IFT43: variants seen among roughly 807,000 people sequenced by gnomAD.
The protein encoded by IFT43 is intraflagellar transport 43.
IFT43 carries 33 observed loss-of-function variants against 32.3 expected under a neutral mutation model. The observed-to-expected ratio is 1.02, with a 90% CI of 0.77 to 1.37. IFT43 has a LOEUF of 1.37. IFT43 is among the 40% of genes most tolerant of loss of function. The probability of loss-of-function intolerance (pLI) is 0.00; values close to 1 mark genes in which losing one functional copy is unlikely to be tolerated. For synonymous variants in IFT43, 93 were observed against 98.2 expected (o/e 0.95, Z 0.31); for missense variants, 274 against 265.9 (o/e 1.03, Z -0.21).
intron 2 of IFT43, among the ~76,000 whole-genome samples, chr14:75,994,071 C>T (rs568681402): frequency 5.0e-4 from 75 of 150,390 alleles, no homozygotes; most frequent in Non-Finnish European, 9.4e-4. Context: ...AATGACATGT[C>T]AATTTAAAAC....
intron 2 of IFT43, among the ~76,000 whole-genome samples, chr14:75,999,251 A>AAATTCTTTTTT (rs57696977): frequency 6.6e-5 from 1 of 15,242 alleles, no homozygotes; most frequent in Non-Finnish European, 1.0e-4. Context: ...ATATATATAT[A>AAATTCTTTTTT]TATATATATA....
At chr14:76,001,517 CTGCTG>C (rs2035885113) in intron 2 of IFT43, among the ~76,000 whole-genome samples, 1 of 152,146 alleles carries the variant, frequency 6.6e-6, no homozygotes, top group Non-Finnish European at 1.5e-5. Context: ...AGGTAGGACC[CTGCTG>C]AGGGAAGGCA....
At chr14:76,067,072 T>C (rs1181955678) in intron 5 of IFT43, among the ~76,000 whole-genome samples, 3 of 152,226 alleles carry the variant, frequency 2.0e-5, no homozygotes, top group African/African-American at 7.2e-5. Flanking sequence ...CGGTCTTTCA[T>C]AGACAACTTT....
chr14:76,071,101 A>G (rs769536424), intron 5 of IFT43, among the ~76,000 whole-genome samples: 11 of 152,086 alleles, frequency 7.2e-5, no homozygotes, highest in Non-Finnish European at 1.5e-4. Flanking sequence ...TTCCTACCAC[A>G]TGCGCGTGTA....
chr14:76,071,829 T>C (rs548245250), intron 5 of IFT43, among the ~76,000 whole-genome samples: 1 of 152,144 alleles, frequency 6.6e-6, no homozygotes, highest in East Asian at 1.9e-4. Context: ...AGTGGCTCTT[T>C]GGGGCTGGTG....
intron 5 of IFT43, among the ~76,000 whole-genome samples, chr14:76,067,295 G>T (rs950449220): frequency 1.3e-5 from 2 of 152,234 alleles, no homozygotes; most frequent in Non-Finnish European, 2.9e-5. Flanking sequence ...GCCGGGTACA[G>T]TGGCTCACGC....
At chr14:75,986,127 G>T (rs1006685854) in intron 1 of IFT43, 42 of 1,399,608 alleles carry the variant, frequency 3.0e-5, no homozygotes, top group Non-Finnish European at 3.9e-5. Flanking sequence ...GTTTTCTAGA[G>T]CCCCGAGTGC....
At chr14:76,016,559 A>T (rs994039860) in intron 2 of IFT43, among the ~76,000 whole-genome samples, 5 of 152,040 alleles carry the variant, frequency 3.3e-5, no homozygotes, top group African/African-American at 1.2e-4. Context: ...GGTCCCATAT[A>T]AATTTTAGGG....
At chr14:76,060,738 C>G (rs1022580063) in intron 5 of IFT43, among the ~76,000 whole-genome samples, 2 of 152,124 alleles carry the variant, frequency 1.3e-5, no homozygotes, top group Non-Finnish European at 2.9e-5. Context: ...GAATTCTAGG[C>G]TGACAATTTT....
intron 2 of IFT43, among the ~76,000 whole-genome samples, chr14:75,991,388 A>AGAGT (rs1164783988): frequency 2.1e-5 from 3 of 141,988 alleles, no homozygotes; most frequent in South Asian, 2.3e-4. Flanking sequence ...TATTAACAAG[A>AGAGT]GTGTGTGTGT....
intron 3 of IFT43, among the ~76,000 whole-genome samples, chr14:76,050,662 T>C (rs2036896904): frequency 6.6e-6 from 1 of 152,176 alleles, no homozygotes; most frequent in South Asian, 2.1e-4. Flanking sequence ...TGTAAGTTTA[T>C]GGAGGTGTTA....
At chr14:76,003,883 TCTC>T (rs768676150) in intron 2 of IFT43, among the ~76,000 whole-genome samples, 20 of 151,774 alleles carry the variant, frequency 1.3e-4, no homozygotes, top group Non-Finnish European at 2.4e-4. Flanking sequence ...TTCAAGCAAT[TCTC>T]CTGCCTCAGC....
chr14:76,038,782 C>G (rs1035857299), intron 3 of IFT43, among the ~76,000 whole-genome samples: 1 of 152,150 alleles, frequency 6.6e-6, no homozygotes, highest in Admixed American at 6.5e-5. Flanking sequence ...TAGTCCTTTC[C>G]TATCTTCACA....
chr14:75,992,821 G>A (rs1171319356), intron 2 of IFT43, among the ~76,000 whole-genome samples: 1 of 152,144 alleles, frequency 6.6e-6, no homozygotes, highest in Non-Finnish European at 1.5e-5. Flanking sequence ...GATTACAGGT[G>A]TGAGCCACCA....
At chr14:76,079,924 C>T (rs541445824) in intron 5 of IFT43, among the ~76,000 whole-genome samples, 5 of 148,810 alleles carry the variant, frequency 3.4e-5, no homozygotes, top group Non-Finnish European at 5.9e-5. Flanking sequence ...TCATGGTATA[C>T]GTGAGAGTGG....
intron 2 of IFT43, among the ~76,000 whole-genome samples, chr14:76,006,358 C>T (rs2035981187): frequency 6.6e-6 from 1 of 152,150 alleles, no homozygotes; most frequent in African/African-American, 2.4e-5. Context: ...TTCCTAGGTC[C>T]TGCCTTTCAT....
At chr14:76,001,036 A>G (rs568878221) in intron 2 of IFT43, among the ~76,000 whole-genome samples, 2 of 152,334 alleles carry the variant, frequency 1.3e-5, no homozygotes, top group East Asian at 1.9e-4. Context: ...GTCTCTATGA[A>G]GAACCTATAG....
At chr14:76,044,712 A>G (rs141773519) in intron 3 of IFT43, among the ~76,000 whole-genome samples, 6 of 152,078 alleles carry the variant, frequency 3.9e-5, no homozygotes, top group Non-Finnish European at 8.8e-5. Context: ...GACATAACAC[A>G]TTGGAGATTC....
At chr14:76,065,672 C>T (rs150715640) in intron 5 of IFT43, among the ~76,000 whole-genome samples, 94 of 152,094 alleles carry the variant, frequency 6.2e-4, no homozygotes, top group African/African-American at 2.1e-3. Context: ...CTGTTGCATA[C>T]ATCATTAGCC....
Sources: gnomAD v4.1 joint callset for allele counts (sites outside exome capture counted in the v4.1 genomes callset) on GRCh38, gnomAD v4.1.1 for gene constraint, MANE v1.5 for transcripts, NCBI Gene and HGNC (gene_info 2026-07-23, HGNC 2026-07-21) for gene names.